Variants in PDPN observed in about 807,000 individuals in gnomAD.
PDPN encodes the protein PA2.26 antigen.
In PDPN, 12 loss-of-function variants were observed where a neutral mutation model predicts 23.2. The ratio of observed to expected loss-of-function variants is 0.52; its 90% confidence interval spans 0.33 to 0.84. PDPN has a LOEUF of 0.84. Ranked by LOEUF, PDPN falls within the 40% of genes least tolerant of loss-of-function variation. PDPN has a pLI of 0.02. For synonymous variants in PDPN, 77 were observed against 76.7 expected (o/e 1.00, Z -0.02); for missense variants, 199 against 212.2 (o/e 0.94, Z 0.39).
intron 1 of PDPN, among the ~76,000 whole-genome samples, chr1:13,599,011 CTTTT>C (rs35244657): frequency 6.3e-5 from 8 of 127,054 alleles, no homozygotes; most frequent in East Asian, 2.3e-4. Context: ...GCCCCCCCTC[CTTTT>C]TTTTTTTTTT....
At chr1:13,602,618 A>C (rs2100251666) in intron 1 of PDPN, among the ~76,000 whole-genome samples, 1 of 152,230 alleles carries the variant, frequency 6.6e-6, no homozygotes, top group African/African-American at 2.4e-5. Context: ...GCTGGAGTGC[A>C]ATGGTTCAGT....
intron 1 of PDPN, among the ~76,000 whole-genome samples, chr1:13,592,239 G>A (rs1419431044): frequency 6.6e-6 from 1 of 152,186 alleles, no homozygotes; most frequent in African/African-American, 2.4e-5. Context: ...ATGAATTGCA[G>A]ACTTTTCTCC....
intron 1 of PDPN, among the ~76,000 whole-genome samples, chr1:13,589,759 A>G (rs1640285882): frequency 6.6e-6 from 1 of 152,236 alleles, no homozygotes; most frequent in Non-Finnish European, 1.5e-5. Flanking sequence ...GAGGACACCC[A>G]GAAAAGCGAG....
chr1:13,593,504 A>G (rs76654538), intron 1 of PDPN, among the ~76,000 whole-genome samples: 31 of 152,302 alleles, frequency 2.0e-4, no homozygotes, highest in African/African-American at 7.5e-4. Context: ...CTAAAAATCT[A>G]CCAAAGCACA....
chr1:13,613,827 CAATG>C, intron 4 of PDPN, 102 bp downstream of exon 4: 1 of 526,404 alleles, frequency 1.9e-6, no homozygotes. Flanking sequence ...GGATTGCAGT[CAATG>C]AGAGCAGAAT....
intron 1 of PDPN, among the ~76,000 whole-genome samples, chr1:13,596,888 T>C (rs1640510871): frequency 6.6e-6 from 1 of 152,114 alleles, no homozygotes; most frequent in Non-Finnish European, 1.5e-5. Context: ...GCTGAAGGAC[T>C]GTAGAGAGAT....
At position 13,616,699 on chromosome 1, in the gene PDPN, C is replaced by T. The variant is rs531994846; in HGVS notation, c.*788C>T. On this transcript the variant is annotated 3_prime_UTR_variant, in exon 6 of 6. Coordinates refer to ENST00000621990, the MANE Select transcript of PDPN (RefSeq NM_006474.5). ...TCCCTCAGATGATGAGGAGCCAGGGCTAAGGGGGCAGCCTTCTCTCTTCCC... is the reference window on the plus strand; with the variant it reads ...TCCCTCAGATGATGAGGAGCCAGGGTTAAGGGGGCAGCCTTCTCTCTTCCC... 6.6e-6 allele frequency: 1 copy of T among 152,440 alleles called. No individual in the cohort carries two copies. The highest frequency in any genetic ancestry group is 6.5e-5 in the Admixed American group (1 of 15,306). 9.4% of individuals were successfully genotyped at this position (152,440 alleles called of 1,614,324 possible). A position where few individuals can be genotyped will look rare whatever the true frequency, so the allele number is the denominator to read the frequency against.
chr1:13,610,734 G>T (rs1640911854), intron 3 of PDPN, among the ~76,000 whole-genome samples: 1 of 152,212 alleles, frequency 6.6e-6, no homozygotes, highest in Admixed American at 6.5e-5. Context: ...AATAACTAGT[G>T]ATAACACCTG....
intron 3 of PDPN, among the ~76,000 whole-genome samples, chr1:13,611,712 T>C (rs767169922): frequency 3.9e-5 from 6 of 152,094 alleles, no homozygotes; most frequent in Admixed American, 6.5e-5. Flanking sequence ...CATTTAAAAA[T>C]GGTTAATTTA....
chr1:13,593,324 C>A (rs1287378261), intron 1 of PDPN, among the ~76,000 whole-genome samples: 1 of 152,070 alleles, frequency 6.6e-6, no homozygotes, highest in Non-Finnish European at 1.5e-5. Flanking sequence ...TAGTAAGACA[C>A]CCAATTTGAT....
intron 3 of PDPN, 60 bp from the exon 4 acceptor site, chr1:13,613,627 T>A (rs536808055): frequency 2.4e-6 from 2 of 836,672 alleles, no homozygotes; most frequent in African/African-American, 3.4e-5. Flanking sequence ...TTTTGCCAGT[T>A]GTTAAATTAT....
At chr1:13,612,737 G>C (rs1201482999) in intron 3 of PDPN, among the ~76,000 whole-genome samples, 2 of 152,090 alleles carry the variant, frequency 1.3e-5, no homozygotes, top group African/African-American at 2.4e-5. Flanking sequence ...CAAAAGGGAT[G>C]GTTTTCAAAC....
intron 3 of PDPN, among the ~76,000 whole-genome samples, chr1:13,612,310 A>G (rs530744534): frequency 1.3e-5 from 2 of 152,354 alleles, no homozygotes; most frequent in South Asian, 4.1e-4. Flanking sequence ...ATGCATGCTT[A>G]TGATCACAGT....
chr1:13,594,525 T>C (rs1640436930), intron 1 of PDPN, among the ~76,000 whole-genome samples: 1 of 152,190 alleles, frequency 6.6e-6, no homozygotes, highest in African/African-American at 2.4e-5. Flanking sequence ...ATTCAGTGCC[T>C]GTGAAGACAC....
chr1:13,583,937 C>G lies in PDPN; in HGVS notation c.-97C>G, dbSNP rs199557731. On this transcript the variant is annotated 5_prime_UTR_variant, in exon 1 of 6. Transcript: ENST00000621990. ...CTCCGGCCCCCCCACCGTCGCGCTC[C>G]TCCAGGCTGGGCCTGTGGCCGCGGT... 4.3e-5 allele frequency: 70 copies of G among 1,613,558 alleles called. No individual in the cohort carries two copies. In the Middle Eastern group the frequency reaches 4.9e-4, roughly 11 times the overall value.
rs542661708 is a variant in PDPN, at chr1:13,603,772, A to G, written c.68-3401A>G. Reference sequence around the variant, plus strand: ...CCAGGCTAATTTTTGTATTTTTAGTAGAGACGGGGTTTCACCATCTTGGCC... The same window carrying G: ...CCAGGCTAATTTTTGTATTTTTAGTGGAGACGGGGTTTCACCATCTTGGCC... On this transcript the variant is annotated intron_variant, in intron 1 of 5. Transcript: ENST00000621990. 3.9e-5 allele frequency among the ~76,000 whole-genome samples: 6 copies of G among 152,194 alleles called. No homozygotes were observed. In the East Asian group the frequency reaches 9.7e-4, roughly 25 times the overall value.
chr1:13,593,672 T>G (rs16852000), intron 1 of PDPN, among the ~76,000 whole-genome samples: 7,671 of 152,138 alleles, frequency 0.05, 635 homozygotes, highest in African/African-American at 0.17. Context: ...AAGGGGCTTC[T>G]TTTCTCCCTC....
intron 1 of PDPN, among the ~76,000 whole-genome samples, chr1:13,594,360 T>G (rs938895031): frequency 6.6e-6 from 1 of 152,070 alleles, no homozygotes; most frequent in Non-Finnish European, 1.5e-5. Flanking sequence ...AGGTGGGGTT[T>G]GGAAGGGCAC....
intron 1 of PDPN, chr1:13,595,846 C>T (rs188991696): frequency 8.6e-6 from 11 of 1,285,994 alleles, no homozygotes; most frequent in East Asian, 5.6e-5. Context: ...TTTAACAACT[C>T]GGGGGTGAAG....
Sources: gnomAD v4.1 joint callset for allele counts (sites outside exome capture counted in the v4.1 genomes callset) on GRCh38, gnomAD v4.1.1 for gene constraint, MANE v1.5 for transcripts, NCBI Gene and HGNC (gene_info 2026-07-23, HGNC 2026-07-21) for gene names.